The following DLL4 variants were observed in gnomAD, a reference collection of about 807,000 sequenced individuals.
DLL4 encodes delta-like protein 4.
A neutral mutation model predicts 73.6 loss-of-function variants in DLL4; 7 were observed. The ratio of observed to expected loss-of-function variants is 0.10; its 90% confidence interval spans 0.05 to 0.18. The LOEUF (loss-of-function observed/expected upper bound fraction) is 0.18, where lower values mean the gene tolerates loss of function less well. Ranked by LOEUF, DLL4 falls within the 10% of genes least tolerant of loss-of-function variation. The pLI is 1.00. For synonymous variants in DLL4, 345 were observed against 374.3 expected, an observed-to-expected ratio of 0.92 and a Z score of 0.90; for missense variants, 614 against 929.9, an observed-to-expected ratio of 0.66 and a Z score of 4.42.
chr15:40,936,690 T>C lies in DLL4; in HGVS notation c.1703T>C (p.Met568Thr). Reference sequence around the variant, plus strand: ...CCGGACGACGGCAGCAGGGAAGCCATGAACAACTTGTCGGACTTCCAGAAG... The same window carrying C: ...CCGGACGACGGCAGCAGGGAAGCCACGAACAACTTGTCGGACTTCCAGAAG... ...RRPDDGSREA[M>T]NNLSDFQKDN... The change falls in exon 9 of 11, where the codon ATG (methionine) becomes ACG (threonine). Residue 568 changes from methionine (M) to threonine (T), a missense_variant. By Grantham distance (81) the Met-to-Thr change is moderately conservative. Coordinates refer to ENST00000249749, the MANE Select transcript of DLL4 (RefSeq NM_019074.4). The C allele has an allele frequency of 1.2e-6, 2 of 1,613,630 alleles. No homozygotes were observed. Among genetic ancestry groups the C allele is most frequent in the Non-Finnish European group, 1.7e-6 (2 of 1,179,890 alleles).
chr15:40,931,495 C>T lies in DLL4; in HGVS notation c.395-8C>T, dbSNP rs1386617675. 8 of 1,605,626 alleles carry T rather than the reference C, an allele frequency of 5.0e-6. No homozygotes were observed. The highest frequency in any genetic ancestry group is 5.9e-6 in the Non-Finnish European group (7 of 1,176,598). ...ACCCTTCCCTGACCCGACCCTCTGC[C>T]CCCTCAGAGGCCTTGCCACCAGATG... On this transcript the variant is annotated splice_region_variant and splice_polypyrimidine_tract_variant and intron_variant, in intron 3 of 10. Coordinates refer to ENST00000249749, the MANE Select transcript of DLL4 (RefSeq NM_019074.4).
chr15:40,931,362 G>A (rs1388574053), intron 3 of DLL4, 141 bp from the exon 4 acceptor site: 1 of 1,048,548 alleles, frequency 9.5e-7, no homozygotes, highest in Non-Finnish European at 1.4e-6. Context: ...TGTTCTTGCT[G>A]GCAGGCGGGG....
rs1892759420 is a variant in DLL4 at position 40,930,833 on chromosome 15, TCCGC to T, written c.394+152_394+155del. 2.6e-6 allele frequency: 2 copies of T among 757,680 alleles called. No individual in the cohort carries two copies. Among genetic ancestry groups the T allele is most frequent in the South Asian group, 3.6e-5 (2 of 56,216 alleles). The allele number at this position is 757,680 out of a possible 1,614,324, so 46.9% of individuals were successfully genotyped here. Reference sequence around the variant, plus strand: ...TGCGCCCCGCGCTGGACGCTCGGATTCCGCTCGCTGCCTGGACTCAGAGCACAAT... The same window carrying T: ...TGCGCCCCGCGCTGGACGCTCGGATTTCGCTGCCTGGACTCAGAGCACAAT... On this transcript the variant is annotated intron_variant, in intron 3 of 10. Transcript: ENST00000249749. The surrounding 1 kb of genome is among the most constrained non-coding windows in gnomAD (Gnocchi z 5.7).
Position 40,938,171 on chromosome 15 carries a change from C to G in DLL4, c.*137C>G. Reference sequence around the variant, plus strand: ...AGGAGGAGGAGGGAATGGCAGGAACCGGACAGACTGTGAACTTGCCAAGAG... The same window carrying G: ...AGGAGGAGGAGGGAATGGCAGGAACGGGACAGACTGTGAACTTGCCAAGAG... On this transcript the variant is annotated 3_prime_UTR_variant, in exon 11 of 11. Transcript: ENST00000249749. 1.0e-6 allele frequency: 1 copy of G among 996,582 alleles called. No homozygotes were observed. Among genetic ancestry groups the G allele is most frequent in the Non-Finnish European group, 1.4e-6 (1 of 719,686 alleles). The allele number at this position is 996,582 out of a possible 1,614,324, so 61.7% of individuals were successfully genotyped here. A position where few individuals can be genotyped will look rare whatever the true frequency, so the allele number is the denominator to read the frequency against.
chr15:40,933,964 C>T (rs767615643), intron 6 of DLL4, among the ~76,000 whole-genome samples: 2 of 143,730 alleles, frequency 1.4e-5, no homozygotes, highest in African/African-American at 2.6e-5. Flanking sequence ...TGCAGTGAGC[C>T]GAGGTCGTGC....
Position 40,935,053 on chromosome 15 carries a change from C to A in DLL4, c.1176C>A (p.Pro392=). The change falls in exon 8 of 11, where the codon CCC becomes CCA. Residue 392 remains proline (P), a synonymous_variant. Transcript: ENST00000249749. The part of the protein sequence containing the change: ...QGANYACECP[P]NFTGSNCEKK... Reference sequence around the variant, plus strand: ...CCAACTATGCTTGTGAATGTCCCCCCAACTTCACCGGCTCCAACTGCGAGA... The same window carrying A: ...CCAACTATGCTTGTGAATGTCCCCCAAACTTCACCGGCTCCAACTGCGAGA... The A allele has an allele frequency of 6.2e-7, 1 of 1,613,490 alleles. No homozygotes were observed. The highest frequency in any genetic ancestry group is 8.5e-7 in the Non-Finnish European group (1 of 1,179,896).
Position 40,937,416 on chromosome 15 carries a change from A to G in DLL4, c.1944-2A>G. On this transcript the variant is annotated splice_acceptor_variant, in intron 9 of 10. Transcript: ENST00000249749. LOFTEE classifies it high-confidence loss of function. ...TTACACGCCTGTCTTGTGTTCCCTC[A>G]GTGAAAAGCCAGAGTGTCGGATATC... The G allele has an allele frequency of 6.2e-7, 1 of 1,606,994 alleles. No homozygotes were observed. Among genetic ancestry groups the G allele is most frequent in the Non-Finnish European group, 8.5e-7 (1 of 1,173,862 alleles).
chr15:40,930,505 A>C lies in DLL4; in HGVS notation c.337-120A>C. On this transcript the variant is annotated intron_variant, in intron 2 of 10. Transcript: ENST00000249749. The surrounding 1 kb of genome is among the most constrained non-coding windows in gnomAD (Gnocchi z 5.7). ...CACTGTGCACAGCCCCGTTATGTTG[A>C]CCCGGGCGCAGTAACTGAATCCTGC... 1 of 833,580 alleles carries C rather than the reference A, an allele frequency of 1.2e-6. No individual in the cohort carries two copies. The allele number at this position is 833,580 out of a possible 1,614,324, so 51.6% of individuals were successfully genotyped here.
chr15:40,936,090 C>T, intron 8 of DLL4, 138 bp from the exon 9 acceptor site: 1 of 697,236 alleles, frequency 1.4e-6, no homozygotes, highest in East Asian at 2.8e-5. Flanking sequence ...GGTCTCCTGA[C>T]TCTGTGCAGT....
intron 8 of DLL4, 124 bp from the exon 9 acceptor site, chr15:40,936,104 C>A: frequency 1.3e-6 from 1 of 790,356 alleles, no homozygotes; most frequent in East Asian, 2.7e-5. Context: ...GTGCAGTTCT[C>A]TTTGTAGTGG....
At chr15:40,933,107 GCCA>G (rs1892792247) in intron 6 of DLL4, among the ~76,000 whole-genome samples, 1 of 143,156 alleles carries the variant, frequency 7.0e-6, no homozygotes, top group African/African-American at 3.0e-5. Context: ...GCCAGCTGCA[GCCA>G]GCTGCAGCTC....
intron 6 of DLL4, among the ~76,000 whole-genome samples, chr15:40,932,992 T>C (rs1892790192): frequency 6.6e-6 from 1 of 152,194 alleles, no homozygotes; most frequent in African/African-American, 2.4e-5. Context: ...CCTGAACCCA[T>C]GCGGTCTCTA....
intron 6 of DLL4, among the ~76,000 whole-genome samples, chr15:40,933,262 C>A (rs1381183896): frequency 7.1e-6 from 1 of 140,728 alleles, no homozygotes; most frequent in African/African-American, 2.6e-5. Flanking sequence ...GGATTCAGTC[C>A]CTGTGTTGTG....
Position 40,930,775 on chromosome 15 carries a change from G to C in DLL4, c.394+93G>C. 7.5e-7 allele frequency: 1 copy of C among 1,324,724 alleles called. No individual in the cohort carries two copies. The highest frequency in any genetic ancestry group is 1.3e-5 in the South Asian group (1 of 79,128). 82.1% of individuals were successfully genotyped at this position (1,324,724 alleles called of 1,614,324 possible). A position where few individuals can be genotyped will look rare whatever the true frequency, so the allele number is the denominator to read the frequency against. ...AGGCGGGGGAAGTGCGGGCTTGGGG[G>C]TGGGAGGCAGGACGCTTAGCTTGGC... On this transcript the variant is annotated intron_variant, in intron 3 of 10. Coordinates refer to ENST00000249749, the MANE Select transcript of DLL4 (RefSeq NM_019074.4). The surrounding 1 kb of genome is among the most constrained non-coding windows in gnomAD (Gnocchi z 5.7).
chr15:40,938,351 A>G lies in DLL4; in HGVS notation c.*317A>G. The G allele has an allele frequency of 3.6e-6, 1 of 281,434 alleles. No individual in the cohort carries two copies. The highest frequency in any genetic ancestry group is 6.6e-6 in the Non-Finnish European group (1 of 151,508). 17.4% of individuals were successfully genotyped at this position (281,434 alleles called of 1,614,324 possible). A position where few individuals can be genotyped will look rare whatever the true frequency, so the allele number is the denominator to read the frequency against. On this transcript the variant is annotated 3_prime_UTR_variant, in exon 11 of 11. Coordinates refer to ENST00000249749, the MANE Select transcript of DLL4 (RefSeq NM_019074.4). ...CTTCCGGGGCTCCGGCCTGTTTTCC[A>G]GAGAGAGTGGCAGTAGCCCCATGGG...
Position 40,937,006 on chromosome 15 carries a change from C to T in DLL4, c.1943+76C>T, listed in dbSNP as rs370678249. 8.4e-5 allele frequency: 108 copies of T among 1,289,016 alleles called. No individual in the cohort carries two copies. In the East Asian group the frequency reaches 1.1e-3, roughly 13 times the overall value. The allele number at this position is 1,289,016 out of a possible 1,614,324, so 79.8% of individuals were successfully genotyped here. On this transcript the variant is annotated intron_variant, in intron 9 of 10. Coordinates refer to ENST00000249749, the MANE Select transcript of DLL4 (RefSeq NM_019074.4). ...CTGCCTAGGCTCCTCTTAGGCCAGGCGGGAAGCAGTTAAGCAGCTGAGGTT... is the reference window on the plus strand; with the variant it reads ...CTGCCTAGGCTCCTCTTAGGCCAGGTGGGAAGCAGTTAAGCAGCTGAGGTT...
At chr15:40,933,075 C>G (rs899925922) in intron 6 of DLL4, among the ~76,000 whole-genome samples, 7 of 152,218 alleles carry the variant, frequency 4.6e-5, no homozygotes, top group Admixed American at 1.3e-4. Flanking sequence ...GAGGAGGAAG[C>G]CTTTTTTCTT....
At chr15:40,935,469 G>A (rs1001563578) in intron 8 of DLL4, among the ~76,000 whole-genome samples, 1 of 152,238 alleles carries the variant, frequency 6.6e-6, no homozygotes, top group Non-Finnish European at 1.5e-5. Context: ...CAGTGATTCA[G>A]TCAGAGCCCT....
At chr15:40,932,694 A>G (rs991907736) in intron 6 of DLL4, among the ~76,000 whole-genome samples, 5 of 152,096 alleles carry the variant, frequency 3.3e-5, no homozygotes, top group Non-Finnish European at 7.4e-5. Flanking sequence ...GGGGGGTGAC[A>G]AGGTCGGCAG....
Sources: allele counts gnomAD v4.1 joint callset (sites outside exome capture counted in the v4.1 genomes callset), GRCh38; gene constraint gnomAD v4.1.1; non-coding constraint Gnocchi (gnomAD v3.1); transcripts MANE v1.5; gene names NCBI Gene and HGNC (gene_info 2026-07-23, HGNC 2026-07-21).